SEC23IP: variants seen among roughly 807,000 people sequenced by gnomAD.
SEC23IP encodes SEC23 interacting protein.
SEC23IP carries 70 observed loss-of-function variants against 113.4 expected under a neutral mutation model. That is an observed-to-expected ratio of 0.62 (90% CI 0.51 to 0.75). SEC23IP has a LOEUF of 0.75. SEC23IP is among the 30% of genes least tolerant of loss of function. SEC23IP has a pLI of 0.00. For missense variants in SEC23IP, 1,160 were observed against 1,204.9 expected (o/e 0.96, Z 0.55); for synonymous variants, 398 against 421.0 (o/e 0.95, Z 0.67).
chr10:119,940,587 C>T lies in SEC23IP; in HGVS notation c.*22C>T, dbSNP rs1421230912. 3.4e-5 allele frequency: 5 copies of T among 148,356 alleles called. No homozygotes were observed. The highest frequency in any genetic ancestry group is 5.9e-5 in the Non-Finnish European group (4 of 67,236). 9.2% of individuals were successfully genotyped at this position (148,356 alleles called of 1,614,324 possible). ...TTTTTTTTTTTTTTCCTTTTTAAGACTTTCTTGTCTGCACAGAAAGTCCCA... is the reference window on the plus strand; with the variant it reads ...TTTTTTTTTTTTTTCCTTTTTAAGATTTTCTTGTCTGCACAGAAAGTCCCA... On this transcript the variant is annotated splice_region_variant and 3_prime_UTR_variant, in exon 19 of 19. Coordinates refer to ENST00000369075, the MANE Select transcript of SEC23IP (RefSeq NM_007190.4).
Position 119,934,751 on chromosome 10 carries a change from G to A in SEC23IP, c.*20+964G>A, listed in dbSNP as rs184856094. ...CTTCAGCCTCATCTTCTACCTCCTC[G>A]TTTTAGAGAGGTAAGTACTTTTAGT... On this transcript the variant is annotated intron_variant, in intron 18 of 18. Transcript: ENST00000369075. 8.9e-4 allele frequency among the ~76,000 whole-genome samples: 135 copies of A among 152,274 alleles called. 2 individuals carry two copies. Among genetic ancestry groups the A allele is most frequent in the South Asian group, 1.4e-3 (7 of 4,828 alleles).
At chr10:119,916,874 C>A (rs1046299507) in intron 8 of SEC23IP, among the ~76,000 whole-genome samples, 1 of 151,798 alleles carries the variant, frequency 6.6e-6, no homozygotes, top group Non-Finnish European at 1.5e-5. Context: ...AAAAAAAAAA[C>A]TGAATTGTTT....
At chr10:119,917,805 CTGAA>C (rs1855103339) in intron 8 of SEC23IP, 27 bp from the exon 9 acceptor site, 3 of 1,541,960 alleles carry the variant, frequency 1.9e-6, no homozygotes, top group South Asian at 2.3e-5. Context: ...TAGATGCTGA[CTGAA>C]TGTGCTGTAT....
Position 119,917,869 on chromosome 10 carries a change from T to C in SEC23IP, c.1578T>C (p.Gly526=), listed in dbSNP as rs1005329263. 25 of 1,613,914 alleles carry C rather than the reference T, an allele frequency of 1.5e-5. No individual in the cohort carries two copies. The change falls in exon 9 of 19, where the codon GGT becomes GGC. Residue 526 remains glycine, a synonymous_variant. Coordinates refer to ENST00000369075, the MANE Select transcript of SEC23IP (RefSeq NM_007190.4). The part of the protein sequence containing the change: ...NIKKITLPSI[G]RFRHFTNETL... The stretch of plus-strand genomic sequence containing the variant: ...AGAAAATCACTTTGCCAAGTATTGG[T>C]CGATTTCGTCACTTTACCAATGAAA...
At chr10:119,940,470 A>G (rs1009174197) in intron 18 of SEC23IP, 116 bp from the exon 19 acceptor site, 4 of 152,184 alleles carry the variant, frequency 2.6e-5, no homozygotes, top group Non-Finnish European at 5.9e-5. Context: ...TACAGGCGTG[A>G]GACACCGTGC....
chr10:119,917,459 A>G (rs1473373216), intron 8 of SEC23IP, among the ~76,000 whole-genome samples: 1 of 151,624 alleles, frequency 6.6e-6, no homozygotes, highest in Non-Finnish European at 1.5e-5. Context: ...GCTCACTGCA[A>G]CCTCTGCCTT....
Position 119,920,928 on chromosome 10 carries a change from C to A in SEC23IP, c.2065C>A (p.Pro689Thr). ...TGATGACCTGAAGGAAATGGGGATA[C>A]CCCTTGGACCCAGAAAGAAGATAGC... ...TVDDLKEMGIPLGPRKKIANF... is the reference protein window; with the variant it reads ...TVDDLKEMGITLGPRKKIANF... Residue 689 changes from proline (P) to threonine (T), a missense_variant, in exon 12 of 19, where the codon CCC (proline) becomes ACC (threonine). Coordinates refer to ENST00000369075, the MANE Select transcript of SEC23IP (RefSeq NM_007190.4). 1 of 1,613,668 alleles carries A rather than the reference C, an allele frequency of 6.2e-7. No homozygotes were observed. The highest frequency in any genetic ancestry group is 8.5e-7 in the Non-Finnish European group (1 of 1,179,686).
Position 119,904,107 on chromosome 10 carries a change from GT to G in SEC23IP, c.933del (p.Gly313AlafsTer15). 1 of 1,614,234 alleles carries G rather than the reference GT, an allele frequency of 6.2e-7. No homozygotes were observed. The highest frequency in any genetic ancestry group is 8.5e-7 in the Non-Finnish European group (1 of 1,180,026). On this transcript the variant is annotated frameshift_variant, in exon 4 of 19. Coordinates refer to ENST00000369075, the MANE Select transcript of SEC23IP (RefSeq NM_007190.4). LOFTEE classifies it high-confidence loss of function. Reference sequence around the variant, plus strand: ...AGTTCAGCCAGATCCGGAGAGCGTGGTTCTTGGCACGGATGGAGGGCGCTAC... The same window carrying G: ...AGTTCAGCCAGATCCGGAGAGCGTGGTCTTGGCACGGATGGAGGGCGCTAC... ...NSVQPDPESV[V>X]LGTDGGRYDV...
chr10:119,904,212 T>G lies in SEC23IP; in HGVS notation c.1036T>G (p.Phe346Val). The G allele has an allele frequency of 4.3e-6, 7 of 1,614,122 alleles. No individual in the cohort carries two copies. Among genetic ancestry groups the G allele is most frequent in the Non-Finnish European group, 5.9e-6 (7 of 1,180,004 alleles). Residue 346 changes from phenylalanine to valine, a missense_variant, in exon 4 of 19, where the codon TTT becomes GTT. By Grantham distance (50) the Phe-to-Val change is conservative. Coordinates refer to ENST00000369075, the MANE Select transcript of SEC23IP (RefSeq NM_007190.4). ...AGCCGAAGTGAGACGCTGTACTTGGTTTTACAAGGGGGACACAGATAGTCG... is the reference window on the plus strand; with the variant it reads ...AGCCGAAGTGAGACGCTGTACTTGGGTTTACAAGGGGGACACAGATAGTCG... Reference protein sequence around the residue: ...EPAEVRRCTWFYKGDTDSRFI... With the variant: ...EPAEVRRCTWVYKGDTDSRFI...
rs776913761 is a variant in SEC23IP at position 119,930,410 on chromosome 10, G to A, written c.2551G>A (p.Gly851Ser). 6.2e-7 allele frequency: 1 copy of A among 1,608,360 alleles called. No homozygotes were observed. Among genetic ancestry groups the A allele is most frequent in the South Asian group, 1.1e-5 (1 of 90,650 alleles). ...LKAVLIPHHK[G>S]RKRLHLELKE... is the part of the protein sequence containing the mutation. Reference sequence around the variant, plus strand: ...AGCTGTTCTCATTCCACATCACAAAGGCAGAAAAAGACTTCATTTAGGTAA... The same window carrying A: ...AGCTGTTCTCATTCCACATCACAAAAGCAGAAAAAGACTTCATTTAGGTAA... Residue 851 changes from glycine to serine, a missense_variant, in exon 15 of 19, where the codon GGC becomes AGC. Gly to Ser is a moderately conservative substitution (Grantham distance 56). Transcript: ENST00000369075.
intron 2 of SEC23IP, among the ~76,000 whole-genome samples, chr10:119,900,233 T>A (rs547319458): frequency 6.6e-6 from 1 of 152,198 alleles, no homozygotes; most frequent in African/African-American, 2.4e-5. Context: ...TACTTCAAAA[T>A]GATTTTTTAG....
chr10:119,903,214 G>C (rs1854555227), intron 3 of SEC23IP, among the ~76,000 whole-genome samples: 2 of 152,218 alleles, frequency 1.3e-5, no homozygotes, highest in African/African-American at 4.8e-5. Context: ...TTACTTCGTA[G>C]TTTAAAGGTA....
intron 1 of SEC23IP, among the ~76,000 whole-genome samples, chr10:119,897,739 C>G (rs75097627): frequency 6.6e-6 from 1 of 151,980 alleles, no homozygotes; most frequent in Non-Finnish European, 1.5e-5. Context: ...GGCTCATGCC[C>G]GTAATCCCAG....
At chr10:119,930,799 T>C (rs1039479303) in intron 15 of SEC23IP, among the ~76,000 whole-genome samples, 1 of 152,236 alleles carries the variant, frequency 6.6e-6, no homozygotes, top group African/African-American at 2.4e-5. Flanking sequence ...TGAGCTGTTA[T>C]TTTCTTGCTA....
chr10:119,938,015 G>T (rs1855850949), intron 18 of SEC23IP, among the ~76,000 whole-genome samples: 1 of 151,716 alleles, frequency 6.6e-6, no homozygotes, highest in South Asian at 2.1e-4. Flanking sequence ...CTTAAAATCT[G>T]CTGTTGGGGC....
intron 18 of SEC23IP, among the ~76,000 whole-genome samples, chr10:119,939,000 A>G (rs770740777): frequency 2.2e-4 from 33 of 152,034 alleles, no homozygotes; most frequent in Non-Finnish European, 3.1e-4. Flanking sequence ...AGACCTTTTT[A>G]GGATTGTTCT....
chr10:119,921,879 G>A (rs569649675), intron 12 of SEC23IP, among the ~76,000 whole-genome samples: 79 of 151,772 alleles, frequency 5.2e-4, no homozygotes, highest in African/African-American at 1.8e-3. Flanking sequence ...TTTACTACCT[G>A]TTTGGAACTT....
intron 13 of SEC23IP, among the ~76,000 whole-genome samples, chr10:119,928,194 A>C (rs1302045810): frequency 6.6e-6 from 1 of 152,124 alleles, no homozygotes. Flanking sequence ...TTATTTTCTC[A>C]TATGTTTTTT....
chr10:119,925,038 A>G (rs1258227447), intron 12 of SEC23IP, among the ~76,000 whole-genome samples: 1 of 152,084 alleles, frequency 6.6e-6, no homozygotes. Flanking sequence ...CAGCCTTCCA[A>G]AGTGCTGGGA....
Sources: allele counts gnomAD v4.1 joint callset (sites outside exome capture counted in the v4.1 genomes callset), GRCh38; gene constraint gnomAD v4.1.1; transcripts MANE v1.5; gene names NCBI Gene and HGNC (gene_info 2026-07-23, HGNC 2026-07-21).